Variants in NEBL observed in about 807,000 individuals in gnomAD.
NEBL encodes the protein nebulette.
NEBL carries 122 observed loss-of-function variants against 140.2 expected under a neutral mutation model. The ratio of observed to expected loss-of-function variants is 0.87; its 90% CI spans 0.75 to 1.01. NEBL has a LOEUF of 1.01. Among genes scored for constraint, NEBL ranks in the 50% least tolerant of loss-of-function variants. NEBL has a pLI of 0.00. For synonymous variants in NEBL, 436 were observed against 398.9 expected (o/e 1.09, Z -1.11); for missense variants, 1,365 against 1,231.3 (o/e 1.11, Z -1.62).
chr10:21,067,580 C>T (rs1471583426), intron 2 of NEBL, among the ~76,000 whole-genome samples: 2 of 152,094 alleles, frequency 1.3e-5, no homozygotes, highest in African/African-American at 2.4e-5. Flanking sequence ...GGAAAGATTA[C>T]ATTTATTTCA....
At chr10:21,050,546 C>T (rs967517662) in intron 2 of NEBL, among the ~76,000 whole-genome samples, 1 of 152,036 alleles carries the variant, frequency 6.6e-6, no homozygotes, top group Non-Finnish European at 1.5e-5. Flanking sequence ...CACTGCAGTA[C>T]GGGGAGAAGC....
intron 2 of NEBL, among the ~76,000 whole-genome samples, chr10:21,127,512 A>G (rs535799444): frequency 2.6e-5 from 4 of 152,224 alleles, no homozygotes; most frequent in East Asian, 1.9e-4. Flanking sequence ...GTCTCTCCCA[A>G]TGAGATATAC....
At chr10:21,200,185 C>T (rs955590524) in intron 3 of NEBL, among the ~76,000 whole-genome samples, 1 of 152,040 alleles carries the variant, frequency 6.6e-6, no homozygotes, top group Non-Finnish European at 1.5e-5. Flanking sequence ...GGCCCCCACT[C>T]GCTACTCAGA....
At chr10:21,034,167 G>GA (rs964552949) in intron 2 of NEBL, among the ~76,000 whole-genome samples, 1,401 of 32,900 alleles carry the variant, frequency 0.043, 79 homozygotes, top group East Asian at 0.096. Context: ...ACCCTATCTC[G>GA]AAAAAAAAAA....
At chr10:21,141,530 A>T (rs1299749058) in intron 2 of NEBL, among the ~76,000 whole-genome samples, 1 of 152,246 alleles carries the variant, frequency 6.6e-6, no homozygotes, top group Non-Finnish European at 1.5e-5. Flanking sequence ...ATTACATCAA[A>T]ATAAAAGTTG....
chr10:21,251,254 T>TA (rs1036024195), intron 2 of NEBL, among the ~76,000 whole-genome samples: 24 of 152,232 alleles, frequency 1.6e-4, no homozygotes, highest in African/African-American at 5.8e-4. Flanking sequence ...AAGATAGAAA[T>TA]AAAAAACATA....
At chr10:21,059,136 A>G (rs1428288665) in intron 2 of NEBL, among the ~76,000 whole-genome samples, 1 of 152,204 alleles carries the variant, frequency 6.6e-6, no homozygotes, top group Admixed American at 6.5e-5. Context: ...CACCACCCCC[A>G]GCAGTCGGGG....
intron 1 of NEBL, among the ~76,000 whole-genome samples, chr10:21,255,547 G>A (rs773924587): frequency 4.6e-5 from 7 of 151,908 alleles, no homozygotes; most frequent in Middle Eastern, 3.4e-3. Context: ...TCATTATACC[G>A]GTCACATTTC....
At chr10:21,101,469 T>C (rs1255361517) in intron 2 of NEBL, among the ~76,000 whole-genome samples, 1 of 152,162 alleles carries the variant, frequency 6.6e-6, no homozygotes, top group Non-Finnish European at 1.5e-5. Flanking sequence ...AAAGTGGACA[T>C]GATAAGAGCC....
At chr10:21,206,020 A>G (rs1209782634) in intron 3 of NEBL, among the ~76,000 whole-genome samples, 2 of 152,208 alleles carry the variant, frequency 1.3e-5, no homozygotes, top group Non-Finnish European at 2.9e-5. Context: ...TCAGGTGCCA[A>G]TTAATATGGG....
chr10:20,919,523 G>A (rs1589011982), intron 4 of NEBL, among the ~76,000 whole-genome samples: 1 of 152,070 alleles, frequency 6.6e-6, no homozygotes, highest in Non-Finnish European at 1.5e-5. Context: ...AACATTAACC[G>A]ATAGAATGAG....
At chr10:20,961,631 C>A in intron 4 of NEBL, 1 of 1,384,894 alleles carries the variant, frequency 7.2e-7, no homozygotes, top group Non-Finnish European at 1.0e-6. Flanking sequence ...TCCAGAAATG[C>A]ACATCAGAGC....
rs1834973866 is a variant in NEBL, at chr10:20,780,678, A to C, written c.*5069T>G. On this transcript the variant is annotated 3_prime_UTR_variant, in exon 28 of 28. Transcript: ENST00000377122. ...ATTTATTTAAGCAAACCAAATGTGT[A>C]GAGATAGGAAATTAATGTGTTATAA... is the stretch of plus-strand genomic sequence containing the variant. The C allele has an allele frequency of 6.6e-6, 1 of 152,210 alleles. No individual in the cohort carries two copies. The highest frequency in any genetic ancestry group is 6.5e-5 in the Admixed American group (1 of 15,280). The allele number at this position is 152,210 out of a possible 1,614,324, so 9.4% of individuals were successfully genotyped here.
intron 4 of NEBL, among the ~76,000 whole-genome samples, chr10:20,953,000 T>C (rs938652758): frequency 2.6e-5 from 4 of 151,700 alleles, no homozygotes; most frequent in Non-Finnish European, 5.9e-5. Context: ...ATTATAATTA[T>C]GTGACACTTT....
intron 14 of NEBL, 66 bp from the exon 15 acceptor site, chr10:20,831,649 T>C (rs1371680181): frequency 1.9e-6 from 2 of 1,040,292 alleles, no homozygotes; most frequent in African/African-American, 3.1e-5. Flanking sequence ...AAAATCGAGA[T>C]GTCATTTTGA....
At chr10:21,168,213 AT>A (rs1304712108) in intron 2 of NEBL, among the ~76,000 whole-genome samples, 1 of 152,254 alleles carries the variant, frequency 6.6e-6, no homozygotes, top group Non-Finnish European at 1.5e-5. Context: ...ACTTCATTCC[AT>A]TAAAGAATGC....
At chr10:21,065,627 C>A (rs1439211158) in intron 2 of NEBL, among the ~76,000 whole-genome samples, 6 of 152,324 alleles carry the variant, frequency 3.9e-5, no homozygotes, top group Admixed American at 1.3e-4. Flanking sequence ...CCTGTCACAT[C>A]CACCTCTAGC....
intron 2 of NEBL, among the ~76,000 whole-genome samples, chr10:21,123,210 T>C (rs1448605183): frequency 1.3e-5 from 2 of 152,200 alleles, no homozygotes. Context: ...AGTGCCAAGA[T>C]TCTCACTGTT....
intron 2 of NEBL, among the ~76,000 whole-genome samples, chr10:21,079,333 C>G (rs1414541698): frequency 6.6e-6 from 1 of 152,194 alleles, no homozygotes; most frequent in Non-Finnish European, 1.5e-5. Flanking sequence ...ATGCAGGGAG[C>G]ACAAATCTTT....
Sources: gnomAD v4.1 joint callset for allele counts (sites outside exome capture counted in the v4.1 genomes callset) on GRCh38, gnomAD v4.1.1 for gene constraint, MANE v1.5 for transcripts, NCBI Gene and HGNC (gene_info 2026-07-23, HGNC 2026-07-21) for gene names.